The following GRID2 variants were observed in gnomAD, a reference collection of about 807,000 sequenced individuals.
GRID2 encodes glutamate ionotropic receptor delta type subunit 2, also known as glutamate receptor ionotropic, delta-2.
Under a neutral mutation model 114.8 loss-of-function variants are expected in GRID2, and 33 were observed. The observed-to-expected ratio is 0.29, with a 90% CI of 0.22 to 0.38. GRID2 has a LOEUF of 0.38. Among genes scored for constraint, GRID2 ranks in the 10% least tolerant of loss-of-function variants. The pLI is 1.00. For synonymous variants in GRID2, 505 were observed against 449.9 expected (o/e 1.12, Z -1.55); for missense variants, 1,184 against 1,257.7 (o/e 0.94, Z 0.89).
At chr4:92,404,708 A>T (rs1309926382) in intron 1 of GRID2, among the ~76,000 whole-genome samples, 2 of 152,074 alleles carry the variant, frequency 1.3e-5, no homozygotes, top group Non-Finnish European at 1.5e-5. Context: ...CATAAAAAGG[A>T]AACAAGATCA....
At chr4:92,579,536 A>T (rs1237193725) in intron 1 of GRID2, among the ~76,000 whole-genome samples, 2 of 152,000 alleles carry the variant, frequency 1.3e-5, no homozygotes, top group African/African-American at 4.8e-5. Context: ...ACATAGATAC[A>T]GTTTATATAG....
chr4:92,567,721 ATTC>A (rs545709077), intron 1 of GRID2, among the ~76,000 whole-genome samples: 25 of 152,158 alleles, frequency 1.6e-4, no homozygotes, highest in African/African-American at 5.5e-4. Flanking sequence ...TACTTTAAGT[ATTC>A]TTTAGAAGTC....
intron 2 of GRID2, among the ~76,000 whole-genome samples, chr4:92,759,955 G>T (rs1235821230): frequency 6.6e-6 from 1 of 151,508 alleles, no homozygotes; most frequent in Non-Finnish European, 1.5e-5. Flanking sequence ...GAAGGAATTG[G>T]TCATATAAGT....
At chr4:93,133,597 C>T (rs1453188529) in intron 4 of GRID2, among the ~76,000 whole-genome samples, 2 of 152,166 alleles carry the variant, frequency 1.3e-5, no homozygotes, top group East Asian at 3.9e-4. Context: ...AATTATCTCA[C>T]TATTGCCATG....
At chr4:92,724,351 T>C (rs780841424) in intron 2 of GRID2, among the ~76,000 whole-genome samples, 1 of 152,128 alleles carries the variant, frequency 6.6e-6, no homozygotes, top group Non-Finnish European at 1.5e-5. Flanking sequence ...AGCATCACTG[T>C]TACAACTCTG....
intron 14 of GRID2, among the ~76,000 whole-genome samples, chr4:93,677,381 C>A (rs976739730): frequency 6.6e-6 from 1 of 152,182 alleles, no homozygotes; most frequent in African/African-American, 2.4e-5. Context: ...CAGCAGTAAC[C>A]TCTGCAGACT....
At chr4:92,899,595 T>A (rs1366837232) in intron 2 of GRID2, among the ~76,000 whole-genome samples, 1 of 151,746 alleles carries the variant, frequency 6.6e-6, no homozygotes, top group Non-Finnish European at 1.5e-5. Flanking sequence ...GTTTGTTATT[T>A]TGTTTTATTC....
intron 14 of GRID2, among the ~76,000 whole-genome samples, chr4:93,657,242 GTA>G (rs2149731215): frequency 6.6e-6 from 1 of 151,904 alleles, no homozygotes; most frequent in South Asian, 2.1e-4. Context: ...TTAAGTATTT[GTA>G]TATTGGTAGA....
At chr4:93,051,418 G>A (rs1022850862) in intron 2 of GRID2, among the ~76,000 whole-genome samples, 3 of 151,998 alleles carry the variant, frequency 2.0e-5, no homozygotes, top group Admixed American at 2.0e-4. Flanking sequence ...GGCAAAGATG[G>A]TAGCATTCTT....
intron 4 of GRID2, among the ~76,000 whole-genome samples, chr4:93,190,142 T>G (rs1740845995): frequency 6.6e-6 from 1 of 152,144 alleles, no homozygotes. Context: ...TTACCTAAAT[T>G]AAAATAAAAT....
chr4:93,801,111 A>G (rs1360131763), intron 1 of GRID2, among the ~76,000 whole-genome samples: 1 of 152,138 alleles, frequency 6.6e-6, no homozygotes, highest in Non-Finnish European at 1.5e-5. Flanking sequence ...TAAGCTTGGT[A>G]ATATACCTGC....
At chr4:93,101,328 AT>A (rs1310487847) in intron 3 of GRID2, among the ~76,000 whole-genome samples, 1 of 152,032 alleles carries the variant, frequency 6.6e-6, no homozygotes, top group African/African-American at 2.4e-5. Flanking sequence ...GATCTTAACT[AT>A]AGTCATCCTA....
intron 9 of GRID2, among the ~76,000 whole-genome samples, chr4:93,413,982 T>C (rs995722752): frequency 1.4e-4 from 21 of 152,294 alleles, no homozygotes; most frequent in African/African-American, 4.8e-4. Context: ...TTATGACACA[T>C]ACTCCAACTA....
At chr4:93,624,198 AT>A in intron 13 of GRID2, among the ~76,000 whole-genome samples, 1 of 45,320 alleles carries the variant, frequency 2.2e-5, no homozygotes, top group Non-Finnish European at 6.4e-5. Context: ...TGATCAATCT[AT>A]TTTTTTAATC....
At chr4:93,292,207 T>C (rs1180979515) in intron 8 of GRID2, among the ~76,000 whole-genome samples, 1 of 152,182 alleles carries the variant, frequency 6.6e-6, no homozygotes, top group African/African-American at 2.4e-5. Flanking sequence ...TGTAGAGGAA[T>C]AGCTGCAGTC....
chr4:92,512,350 T>C (rs1724293662), intron 1 of GRID2, among the ~76,000 whole-genome samples: 2 of 152,038 alleles, frequency 1.3e-5, no homozygotes, highest in South Asian at 2.1e-4. Context: ...TAAATATTCA[T>C]TCATGTGAGT....
chr4:92,640,658 A>G (rs1325045569), intron 2 of GRID2, among the ~76,000 whole-genome samples: 1 of 151,858 alleles, frequency 6.6e-6, no homozygotes, highest in Non-Finnish European at 1.5e-5. Context: ...GGAAGAAGTA[A>G]GAATGAAACA....
chr4:92,390,762 T>C (rs1730202617), intron 1 of GRID2, among the ~76,000 whole-genome samples: 1 of 152,152 alleles, frequency 6.6e-6, no homozygotes, highest in African/African-American at 2.4e-5. Flanking sequence ...AAACACTTCA[T>C]ATTTTGCTGC....
intron 2 of GRID2, among the ~76,000 whole-genome samples, chr4:92,647,058 G>A (rs574582561): frequency 1.2e-4 from 18 of 152,314 alleles, no homozygotes; most frequent in African/African-American, 2.9e-4. Flanking sequence ...TACAATGATC[G>A]GTTAGAGTGG....
Sources: allele counts gnomAD v4.1 joint callset (sites outside exome capture counted in the v4.1 genomes callset), GRCh38; gene constraint gnomAD v4.1.1; transcripts MANE v1.5; gene names NCBI Gene and HGNC (gene_info 2026-07-23, HGNC 2026-07-21).